EIF2B1: variants seen among roughly 807,000 people sequenced by gnomAD.
EIF2B1 encodes the protein eukaryotic translation initiation factor 2B subunit alpha.
In EIF2B1, 30 loss-of-function variants were observed where a neutral mutation model predicts 36.8. The ratio of observed to expected loss-of-function variants is 0.81; its 90% CI spans 0.61 to 1.10. The LOEUF (loss-of-function observed/expected upper bound fraction) is 1.10, where lower values mean the gene tolerates loss of function less well. EIF2B1 is among the 50% of genes least tolerant of loss of function. EIF2B1 has a pLI of 0.00. For missense variants in EIF2B1, 271 were observed against 374.8 expected, an observed-to-expected ratio of 0.72 and a Z score of 2.29; for synonymous variants, 139 against 142.2, an observed-to-expected ratio of 0.98 and a Z score of 0.16.
chr12:123,633,371 C>A (rs1038665508), intron 1 of EIF2B1, among the ~76,000 whole-genome samples, 174 bp downstream of exon 1: 2 of 151,790 alleles, frequency 1.3e-5, no homozygotes, highest in Admixed American at 6.6e-5. Flanking sequence ...CAGGGCGCAT[C>A]CCTGAAAACA....
intron 4 of EIF2B1, among the ~76,000 whole-genome samples, chr12:123,628,351 CT>C (rs958119194): frequency 3.8e-3 from 282 of 74,962 alleles, no homozygotes; most frequent in African/African-American, 0.012. Context: ...CCCATAACCT[CT>C]TTTTTTTTTT....
intron 4 of EIF2B1, among the ~76,000 whole-genome samples, chr12:123,628,606 T>A (rs899892605): frequency 5.9e-5 from 9 of 152,060 alleles, no homozygotes; most frequent in African/African-American, 1.7e-4. Flanking sequence ...TCAAGCAATC[T>A]GCGTGTCTTG....
rs1017099276 is a variant in EIF2B1 at position 123,620,925 on chromosome 12, GGT to G, written c.*829_*830del. On this transcript the variant is annotated 3_prime_UTR_variant, in exon 9 of 9. Transcript: ENST00000424014. ...TTTTTATGCCTCCTGTTGAATAAAT[GGT>G]GTCCTGATTGCCTGGGTCTTAAGTG... 3.3e-5 allele frequency: 5 copies of G among 152,030 alleles called. No homozygotes were observed. Among genetic ancestry groups the G allele is most frequent in the African/African-American group, 1.2e-4 (5 of 41,372 alleles). 9.4% of individuals were successfully genotyped at this position (152,030 alleles called of 1,614,324 possible).
In EIF2B1 at chr12:123,621,685, T is replaced by G. The variant is rs1290859215; in HGVS notation, c.*71A>C. ...ACATCTCAGTTTTGGCCTGACTCAC[T>G]GGGGTGTCAAGCAGCTACTCACCCT... On this transcript the variant is annotated 3_prime_UTR_variant, in exon 9 of 9. Coordinates refer to ENST00000424014, the MANE Select transcript of EIF2B1 (RefSeq NM_001414.4). 4 of 1,597,578 alleles carry G rather than the reference T, an allele frequency of 2.5e-6. No homozygotes were observed. The highest frequency in any genetic ancestry group is 3.4e-6 in the Non-Finnish European group (4 of 1,167,382).
Position 123,633,659 on chromosome 12 carries a change from GCA to G in EIF2B1, c.-104_-103del. On this transcript the variant is annotated 5_prime_UTR_variant, in exon 1 of 9. Coordinates refer to ENST00000424014, the MANE Select transcript of EIF2B1 (RefSeq NM_001414.4). ...CTGCGAGCCAGTCTGACAGCGCGCT[GCA>G]CACCTCCGCACCCCACTTCCGGCGC... is the stretch of plus-strand genomic sequence containing the variant. 1 of 1,540,294 alleles carries G rather than the reference GCA, an allele frequency of 6.5e-7. No individual in the cohort carries two copies. The highest frequency in any genetic ancestry group is 8.9e-7 in the Non-Finnish European group (1 of 1,127,282).
At position 123,630,405 on chromosome 12, in the gene EIF2B1, C is replaced by G; in HGVS notation, c.244G>C (p.Glu82Gln). The change falls in exon 3 of 9, where the codon GAA (glutamate) becomes CAA (glutamine). Residue 82 changes from glutamate (E) to glutamine (Q), a missense_variant. Transcript: ENST00000424014. The surrounding 1 kb of genome is among the most constrained non-coding windows in gnomAD (Gnocchi z 4.6). Reference protein sequence around the residue: ...FLRFISLASLEYSDYSKCKKI... With the variant: ...FLRFISLASLQYSDYSKCKKI... ...GGAGAACAGGCACTTACGGAGTATT[C>G]CAGGGAGGCAAGACTGATGAAGCGG... The G allele has an allele frequency of 6.2e-7, 1 of 1,614,134 alleles. No individual in the cohort carries two copies. The highest frequency in any genetic ancestry group is 8.5e-7 in the Non-Finnish European group (1 of 1,180,030).
intron 7 of EIF2B1, among the ~76,000 whole-genome samples, chr12:123,623,401 T>C (rs1379362703): frequency 6.6e-6 from 1 of 151,972 alleles, no homozygotes; most frequent in Non-Finnish European, 1.5e-5. Context: ...AATAAAAAAA[T>C]TTAAAAAAAC....
At chr12:123,632,307 C>G (rs756890776) in intron 2 of EIF2B1, 38 bp downstream of exon 2, 2 of 1,267,802 alleles carry the variant, frequency 1.6e-6, no homozygotes, top group Admixed American at 1.7e-5. Context: ...AAAGACTATC[C>G]TAAGTCCCAG....
At chr12:123,632,703 T>C (rs565155869) in intron 1 of EIF2B1, among the ~76,000 whole-genome samples, 151 of 152,102 alleles carry the variant, frequency 9.9e-4, no homozygotes, top group Non-Finnish European at 6.3e-4. Context: ...TCCCAGCACT[T>C]TGGGAGTCCG....
In EIF2B1 at chr12:123,621,799, G is replaced by A; in HGVS notation, c.875C>T (p.Thr292Ile). The A allele has an allele frequency of 1.2e-6, 2 of 1,613,978 alleles. No homozygotes were observed. The highest frequency in any genetic ancestry group is 1.7e-6 in the Non-Finnish European group (2 of 1,180,028). Reference sequence around the variant, plus strand: ...GAGCTCATCGCTGACTGCTGAGGGTGTCAGCACGCCCAGGTCTGTAAACAG... The same window carrying A: ...GAGCTCATCGCTGACTGCTGAGGGTATCAGCACGCCCAGGTCTGTAAACAG... ...TLLFTDLGVL[T>I]PSAVSDELIK... Residue 292 changes from threonine (T) to isoleucine (I), a missense_variant, in exon 9 of 9, where the codon ACA becomes ATA. Physicochemically the swap from Thr to Ile is moderately conservative, Grantham distance 89 (BLOSUM62 -1). Transcript: ENST00000424014.
At position 123,628,351 on chromosome 12, in the gene EIF2B1, CTTTTTTTT is replaced by C. The variant is rs958119194; in HGVS notation, c.370-1203_370-1196del. Among the ~76,000 whole-genome samples, 11 of 74,982 alleles carry C rather than the reference CTTTTTTTT, an allele frequency of 1.5e-4. 1 individual carries two copies. Among genetic ancestry groups the C allele is most frequent in the African/African-American group, 4.4e-4 (8 of 18,032 alleles). The allele number at this position is 74,982 out of a possible 152,430, so 49.2% of individuals were successfully genotyped here. On this transcript the variant is annotated intron_variant, in intron 4 of 8. Transcript: ENST00000424014. Reference sequence around the variant, plus strand: ...AGCCACCACAGTAGGCCCATAACCTCTTTTTTTTTTTTTTTTTTTTTTTTTGGTGAGAC... The same window carrying C: ...AGCCACCACAGTAGGCCCATAACCTCTTTTTTTTTTTTTTTTTGGTGAGAC...
chr12:123,630,645 C>CTAGTAA lies in EIF2B1; in HGVS notation c.116-113_116-112insTTACTA. 1.4e-6 allele frequency: 2 copies of CTAGTAA among 1,437,534 alleles called. No homozygotes were observed. Among genetic ancestry groups the CTAGTAA allele is most frequent in the Non-Finnish European group, 1.9e-6 (2 of 1,042,172 alleles). The allele number at this position is 1,437,534 out of a possible 1,614,324, so 89.0% of individuals were successfully genotyped here. A position where few individuals can be genotyped will look rare whatever the true frequency, so the allele number is the denominator to read the frequency against. ...TATTTACTAGGTACATACTATATACCAGGCACTATTCTAGATGCTAGGGAT... is the reference window on the plus strand; with the variant it reads ...TATTTACTAGGTACATACTATATACCTAGTAAAGGCACTATTCTAGATGCTAGGGAT... On this transcript the variant is annotated intron_variant, in intron 2 of 8. Coordinates refer to ENST00000424014, the MANE Select transcript of EIF2B1 (RefSeq NM_001414.4). This position sits in a 1 kb window ranked among gnomAD's most constrained non-coding sequence, Gnocchi z 4.6.
intron 1 of EIF2B1, 52 bp from the exon 2 acceptor site, chr12:123,632,498 G>A (rs1264911240): frequency 4.1e-6 from 5 of 1,222,994 alleles, no homozygotes; most frequent in Non-Finnish European, 6.0e-6. Context: ...AGCCTATAAG[G>A]CAAGAGAGCT....
At chr12:123,621,980 C>A in intron 8 of EIF2B1, 60 bp from the exon 9 acceptor site, 1 of 1,598,188 alleles carries the variant, frequency 6.3e-7, no homozygotes, top group Non-Finnish European at 8.5e-7. Flanking sequence ...CCTGGTAGGG[C>A]CTTGGTGTGA....
chr12:123,622,612 C>T, intron 8 of EIF2B1, 24 bp downstream of exon 8: 1 of 1,613,628 alleles, frequency 6.2e-7, no homozygotes, highest in Non-Finnish European at 8.5e-7. Context: ...CTTTAGTACC[C>T]CTTCAAATAT....
At chr12:123,629,322 C>T (rs895427858) in intron 4 of EIF2B1, among the ~76,000 whole-genome samples, 4 of 152,202 alleles carry the variant, frequency 2.6e-5, no homozygotes, top group African/African-American at 7.2e-5. Context: ...CGTGGCTTTA[C>T]ATCTCTGTAA....
chr12:123,625,927 T>C, intron 6 of EIF2B1: 1 of 178,190 alleles, frequency 5.6e-6, no homozygotes, highest in Non-Finnish European at 1.2e-5. Context: ...GTTCAGGAGT[T>C]CGAGACCAGC....
In EIF2B1 at chr12:123,622,630, T is replaced by C; in HGVS notation, c.753+6A>G. ...TAGTACCCCTTCAAATATGTAAAACTCTTGCCTTAAACTTATCTGGGACGT... is the reference window on the plus strand; with the variant it reads ...TAGTACCCCTTCAAATATGTAAAACCCTTGCCTTAAACTTATCTGGGACGT... On this transcript the variant is annotated splice_donor_region_variant and intron_variant, in intron 8 of 8. Coordinates refer to ENST00000424014, the MANE Select transcript of EIF2B1 (RefSeq NM_001414.4). The C allele has an allele frequency of 6.2e-7, 1 of 1,614,056 alleles. No homozygotes were observed. Among genetic ancestry groups the C allele is most frequent in the East Asian group, 2.2e-5 (1 of 44,880 alleles).
At position 123,633,638 on chromosome 12, in the gene EIF2B1, G is replaced by C. The variant is rs759205613; in HGVS notation, c.-81C>G. ...CGGGTCCGCCGGCCGCGCCGCCTGC[G>C]AGCCAGTCTGACAGCGCGCTGCACA... On this transcript the variant is annotated 5_prime_UTR_variant, in exon 1 of 9. Coordinates refer to ENST00000424014, the MANE Select transcript of EIF2B1 (RefSeq NM_001414.4). 27 of 1,590,990 alleles carry C rather than the reference G, an allele frequency of 1.7e-5. No individual in the cohort carries two copies. The African/African-American group carries it at 3.4e-4, about 20-fold the overall frequency.
Sources: allele counts gnomAD v4.1 joint callset (sites outside exome capture counted in the v4.1 genomes callset), GRCh38; gene constraint gnomAD v4.1.1; non-coding constraint Gnocchi (gnomAD v3.1); transcripts MANE v1.5; gene names NCBI Gene and HGNC (gene_info 2026-07-23, HGNC 2026-07-21).